POU6F2: variants seen among roughly 807,000 people sequenced by gnomAD.
POU6F2 encodes the protein POU domain, class 6, transcription factor 2.
A neutral mutation model predicts 71.3 loss-of-function variants in POU6F2; 31 were observed. The ratio of observed to expected loss-of-function variants is 0.43; its 90% CI spans 0.33 to 0.59. The LOEUF is 0.59. Among genes scored for constraint, POU6F2 ranks in the 20% least tolerant of loss-of-function variants. The probability of loss-of-function intolerance (pLI) is 0.04; values close to 1 mark genes in which losing one functional copy is unlikely to be tolerated. For synonymous variants in POU6F2, 347 were observed against 355.7 expected, an observed-to-expected ratio of 0.98 and a Z score of 0.27; for missense variants, 783 against 856.8, an observed-to-expected ratio of 0.91 and a Z score of 1.07.
At chr7:39,315,793 G>A (rs768068518) in intron 4 of POU6F2, among the ~76,000 whole-genome samples, 1 of 152,310 alleles carries the variant, frequency 6.6e-6, no homozygotes, top group Middle Eastern at 3.4e-3. Context: ...TGGGTGACAC[G>A]GACCTAGGAC....
intron 4 of POU6F2, among the ~76,000 whole-genome samples, chr7:39,303,025 C>T (rs906894480): frequency 6.6e-6 from 1 of 152,260 alleles, no homozygotes; most frequent in Non-Finnish European, 1.5e-5. Flanking sequence ...CAAAGTGATG[C>T]TCATGCTGTT....
intron 1 of POU6F2, among the ~76,000 whole-genome samples, chr7:39,067,445 C>CT (rs1177354030): frequency 2.0e-5 from 3 of 151,748 alleles, no homozygotes; most frequent in Non-Finnish European, 4.4e-5. Context: ...ATTTTAAAAT[C>CT]TTTTTTAAAA....
chr7:39,294,860 G>A (rs557059087), intron 4 of POU6F2, among the ~76,000 whole-genome samples: 1 of 152,216 alleles, frequency 6.6e-6, no homozygotes, highest in South Asian at 2.1e-4. Flanking sequence ...ACCTCTTATG[G>A]GATGCTTGCT....
At chr7:39,440,856 G>A (rs1788385209) in intron 7 of POU6F2, among the ~76,000 whole-genome samples, 2 of 152,082 alleles carry the variant, frequency 1.3e-5, no homozygotes, top group Admixed American at 6.5e-5. Flanking sequence ...GATCGTTGGA[G>A]GGTTTTTGTG....
At chr7:39,196,509 G>A (rs1166137444) in intron 2 of POU6F2, among the ~76,000 whole-genome samples, 1 of 152,174 alleles carries the variant, frequency 6.6e-6, no homozygotes, top group Non-Finnish European at 1.5e-5. Flanking sequence ...TGTAATCCCA[G>A]CACTTTTGAG....
intron 4 of POU6F2, among the ~76,000 whole-genome samples, chr7:39,305,853 T>C (rs1785038174): frequency 2.6e-5 from 4 of 152,232 alleles, no homozygotes. Flanking sequence ...TTCCACTGAA[T>C]ATTTGTAAAA....
chr7:39,418,579 A>G (rs546256728), intron 6 of POU6F2, among the ~76,000 whole-genome samples: 3 of 152,162 alleles, frequency 2.0e-5, no homozygotes, highest in Admixed American at 6.5e-5. Flanking sequence ...AGTCCCAGCT[A>G]CTTGGGAAGC....
intron 1 of POU6F2, among the ~76,000 whole-genome samples, chr7:39,054,161 TTATA>T (rs1317517789): frequency 6.6e-6 from 1 of 152,020 alleles, no homozygotes; most frequent in African/African-American, 2.4e-5. Flanking sequence ...TTTAAAATGT[TTATA>T]TATTTTTTAG....
In POU6F2 at chr7:39,352,609, C is replaced by T. The variant is rs112101041; in HGVS notation, c.972+12594C>T. Among the ~76,000 whole-genome samples the T allele has an allele frequency of 5.5e-3, 837 of 152,192 alleles. 3 individuals carry two copies. The highest frequency in any genetic ancestry group is 7.0e-3 in the Non-Finnish European group (473 of 68,000). On this transcript the variant is annotated intron_variant, in intron 5 of 9. Coordinates refer to ENST00000518318, the MANE Select transcript of POU6F2 (RefSeq NM_001370959.1). ...GGCAGGGGTGCAGGAGAACTGTGTA[C>T]AAAATGACATTCATAGTAAGCATAC...
chr7:39,315,863 T>C (rs1157091704), intron 4 of POU6F2, among the ~76,000 whole-genome samples: 1 of 152,256 alleles, frequency 6.6e-6, no homozygotes, highest in African/African-American at 2.4e-5. Flanking sequence ...GAATTTTTTC[T>C]AATTATATAG....
chr7:39,226,892 C>A (rs780462113), intron 4 of POU6F2, among the ~76,000 whole-genome samples: 2 of 152,144 alleles, frequency 1.3e-5, no homozygotes, highest in South Asian at 2.1e-4. Context: ...GAATGAGTTG[C>A]GGGCTTAATT....
At chr7:39,104,804 T>C (rs1791643174) in intron 2 of POU6F2, among the ~76,000 whole-genome samples, 1 of 152,228 alleles carries the variant, frequency 6.6e-6, no homozygotes, top group Non-Finnish European at 1.5e-5. Context: ...CTTTTCTGTC[T>C]CATAAACTTA....
chr7:39,353,076 C>T (rs979034515), intron 5 of POU6F2, among the ~76,000 whole-genome samples: 1 of 152,232 alleles, frequency 6.6e-6, no homozygotes, highest in African/African-American at 2.4e-5. Flanking sequence ...AAGGTCTTGG[C>T]CTGACTTTGC....
intron 1 of POU6F2, among the ~76,000 whole-genome samples, chr7:39,007,604 C>A (rs1384675188): frequency 6.6e-6 from 1 of 152,100 alleles, no homozygotes; most frequent in Non-Finnish European, 1.5e-5. Flanking sequence ...TATACATGTG[C>A]CATGGTGGTG....
intron 1 of POU6F2, among the ~76,000 whole-genome samples, chr7:39,032,741 C>T (rs1789974053): frequency 6.6e-6 from 1 of 152,182 alleles, no homozygotes; most frequent in Non-Finnish European, 1.5e-5. Flanking sequence ...AAATACCTCG[C>T]TACCACACAG....
At chr7:39,313,169 C>T (rs1785200687) in intron 4 of POU6F2, among the ~76,000 whole-genome samples, 1 of 152,140 alleles carries the variant, frequency 6.6e-6, no homozygotes, top group South Asian at 2.1e-4. Context: ...CCATCCCCGA[C>T]TCCATTCCCT....
intron 4 of POU6F2, among the ~76,000 whole-genome samples, chr7:39,294,289 A>T (rs1450391005): frequency 2.0e-5 from 3 of 150,016 alleles, no homozygotes; most frequent in African/African-American, 7.3e-5. Flanking sequence ...AACAAGATGC[A>T]TTCATTTGTC....
intron 2 of POU6F2, among the ~76,000 whole-genome samples, chr7:39,120,650 G>C (rs1792021966): frequency 6.6e-6 from 1 of 152,078 alleles, no homozygotes. Flanking sequence ...TTTCCATCCA[G>C]TGTCATGAAA....
At chr7:39,205,291 TTG>T (rs1323122084) in intron 3 of POU6F2, among the ~76,000 whole-genome samples, 1 of 152,104 alleles carries the variant, frequency 6.6e-6, no homozygotes, top group Non-Finnish European at 1.5e-5. Context: ...GCTTGTAACA[TTG>T]TGTGTGTGTT....
Sources: gnomAD v4.1 joint callset for allele counts (sites outside exome capture counted in the v4.1 genomes callset) on GRCh38, gnomAD v4.1.1 for gene constraint, MANE v1.5 for transcripts, NCBI Gene and HGNC (gene_info 2026-07-23, HGNC 2026-07-21) for gene names.